The following SLC4A10 variants were observed in gnomAD, a reference collection of about 807,000 sequenced individuals.
SLC4A10 encodes the protein solute carrier family 4 member 10, also known as sodium-driven chloride bicarbonate exchanger.
A neutral mutation model predicts 137.7 loss-of-function variants in SLC4A10; 42 were observed. The observed-to-expected ratio is 0.30, with a 90% CI of 0.24 to 0.39. SLC4A10 has a LOEUF of 0.39. SLC4A10 is among the 10% of genes least tolerant of loss of function. The pLI is 1.00. For synonymous variants in SLC4A10, 474 were observed against 464.1 expected, an observed-to-expected ratio of 1.02 and a Z score of -0.27; for missense variants, 925 against 1,355.0, an observed-to-expected ratio of 0.68 and a Z score of 4.98.
At chr2:161,806,763 A>T (rs1003666414) in intron 3 of SLC4A10, among the ~76,000 whole-genome samples, 8 of 152,122 alleles carry the variant, frequency 5.3e-5, no homozygotes, top group African/African-American at 1.9e-4. Context: ...AGGAAGTTCC[A>T]AACTTTCCCA....
At chr2:161,874,884 G>A (rs1480647790) in intron 8 of SLC4A10, among the ~76,000 whole-genome samples, 2 of 152,166 alleles carry the variant, frequency 1.3e-5, no homozygotes, top group African/African-American at 4.8e-5. Flanking sequence ...TAATATAGAG[G>A]GAGGTGCTGG....
intron 1 of SLC4A10, among the ~76,000 whole-genome samples, chr2:161,711,001 T>G (rs2125060813): frequency 6.6e-6 from 1 of 151,676 alleles, no homozygotes; most frequent in Non-Finnish European, 1.5e-5. Context: ...CTAGAAGGAG[T>G]TACATGTAAC....
intron 16 of SLC4A10, among the ~76,000 whole-genome samples, chr2:161,946,729 T>C (rs1278740592): frequency 2.0e-5 from 3 of 152,114 alleles, no homozygotes; most frequent in African/African-American, 7.2e-5. Flanking sequence ...TGCCACCTCA[T>C]GGCTAAGGCA....
chr2:161,864,764 A>G (rs1472571627), intron 6 of SLC4A10, among the ~76,000 whole-genome samples: 1 of 152,102 alleles, frequency 6.6e-6, no homozygotes, highest in East Asian at 1.9e-4. Context: ...CTAAATCACA[A>G]TTTGCTTTAA....
At chr2:161,803,256 G>A (rs1271927497) in intron 2 of SLC4A10, among the ~76,000 whole-genome samples, 1 of 152,086 alleles carries the variant, frequency 6.6e-6, no homozygotes. Context: ...ACAGAAAGTT[G>A]AGACAGTTCC....
chr2:161,804,505 C>A lies in SLC4A10; in HGVS notation c.187C>A (p.Arg63=), dbSNP rs369811786. ...GCCCTTGGGAGGAAGAAAAAGCCAT[C>A]GACGTCACAGGCATCGTGGTCATAA... The part of the protein sequence containing the change: ...HVPLGGRKSH[R]RHRHRGHKHR... Residue 63 remains arginine (R), a synonymous_variant, in exon 3 of 27, where the codon CGA becomes AGA. Coordinates refer to ENST00000446997, the MANE Select transcript of SLC4A10 (RefSeq NM_001178015.2). 6.2e-7 allele frequency: 1 copy of A among 1,612,934 alleles called. No homozygotes were observed. The highest frequency in any genetic ancestry group is 8.5e-7 in the Non-Finnish European group (1 of 1,179,360).
At chr2:161,735,570 T>C (rs921495028) in intron 1 of SLC4A10, among the ~76,000 whole-genome samples, 1 of 152,152 alleles carries the variant, frequency 6.6e-6, no homozygotes, top group African/African-American at 2.4e-5. Flanking sequence ...TAAATAACTA[T>C]ATGGCATCCA....
chr2:161,711,595 C>A (rs775468049), intron 1 of SLC4A10, among the ~76,000 whole-genome samples: 2 of 151,744 alleles, frequency 1.3e-5, no homozygotes, highest in African/African-American at 4.8e-5. Flanking sequence ...AGATGCAAAG[C>A]CCTTGTTTCC....
At chr2:161,955,665 A>G (rs1469479378) in intron 19 of SLC4A10, among the ~76,000 whole-genome samples, 1 of 152,218 alleles carries the variant, frequency 6.6e-6, no homozygotes, top group African/African-American at 2.4e-5. Flanking sequence ...CCTTCTTACT[A>G]AGAAAACAAG....
chr2:161,947,514 A>T (rs1412353464), intron 16 of SLC4A10, 52 bp from the exon 17 acceptor site: 2 of 1,571,324 alleles, frequency 1.3e-6, no homozygotes, highest in African/African-American at 1.4e-5. Flanking sequence ...TTCTGCAAGA[A>T]ATGTGTCCGG....
chr2:161,962,876 T>A (rs538354821), intron 21 of SLC4A10, among the ~76,000 whole-genome samples: 1 of 152,296 alleles, frequency 6.6e-6, no homozygotes, highest in Non-Finnish European at 1.5e-5. Context: ...AATGGACAAC[T>A]GTTCCTTTGC....
chr2:161,765,608 C>CAAAAAA (rs370721653), intron 1 of SLC4A10, among the ~76,000 whole-genome samples: 1 of 93,160 alleles, frequency 1.1e-5, no homozygotes, highest in Non-Finnish European at 2.4e-5. Context: ...GAGCAAGACT[C>CAAAAAA]AAAAAAAAAA....
At chr2:161,978,384 CAAAA>C (rs61399867) in intron 26 of SLC4A10, among the ~76,000 whole-genome samples, 3 of 90,514 alleles carry the variant, frequency 3.3e-5, no homozygotes, top group East Asian at 2.9e-4. Context: ...GAGACTCTGT[CAAAA>C]AAAAAAAAAA....
intron 1 of SLC4A10, among the ~76,000 whole-genome samples, chr2:161,677,029 T>C (rs1368863081): frequency 1.3e-5 from 2 of 152,150 alleles, no homozygotes; most frequent in African/African-American, 4.8e-5. Context: ...AGTCTCATGT[T>C]GAAATTTGAT....
chr2:161,793,861 T>A (rs1559263469), intron 2 of SLC4A10, among the ~76,000 whole-genome samples: 1 of 152,150 alleles, frequency 6.6e-6, no homozygotes, highest in African/African-American at 2.4e-5. Flanking sequence ...TTGAGCTAAA[T>A]TGTATAAGAT....
At chr2:161,694,892 T>C (rs1320862385) in intron 1 of SLC4A10, among the ~76,000 whole-genome samples, 1 of 152,034 alleles carries the variant, frequency 6.6e-6, no homozygotes, top group Non-Finnish European at 1.5e-5. Flanking sequence ...AAAATCTTAG[T>C]ATGTCAACAT....
At chr2:161,950,305 T>C (rs1694578592) in intron 18 of SLC4A10, among the ~76,000 whole-genome samples, 1 of 152,106 alleles carries the variant, frequency 6.6e-6, no homozygotes, top group Non-Finnish European at 1.5e-5. Flanking sequence ...TTTCCAATAG[T>C]AAATAGTAAA....
rs1196150358 is a variant in SLC4A10, at chr2:161,811,439, T to C, written c.277+6844T>C. 7.2e-5 allele frequency among the ~76,000 whole-genome samples: 11 copies of C among 151,984 alleles called. No individual in the cohort carries two copies. The East Asian group carries it at 1.9e-3, about 27-fold the overall frequency. ...ACTTATGTTGGGGTTCCTCCATTTT[T>C]CCATTTTCTCCTTGCCTCCACAAGC... On this transcript the variant is annotated intron_variant, in intron 3 of 26. Coordinates refer to ENST00000446997, the MANE Select transcript of SLC4A10 (RefSeq NM_001178015.2).
intron 1 of SLC4A10, among the ~76,000 whole-genome samples, chr2:161,735,153 A>G (rs978153610): frequency 1.3e-5 from 2 of 148,486 alleles, no homozygotes; most frequent in South Asian, 2.1e-4. Flanking sequence ...TATTATACAT[A>G]TATATAATAT....
Sources: gnomAD v4.1 joint callset for allele counts (sites outside exome capture counted in the v4.1 genomes callset) on GRCh38, gnomAD v4.1.1 for gene constraint, MANE v1.5 for transcripts, NCBI Gene and HGNC (gene_info 2026-07-23, HGNC 2026-07-21) for gene names.